PCDH7: variants seen among roughly 807,000 people sequenced by gnomAD.
PCDH7 encodes protocadherin-7.
Under a neutral mutation model 58.9 loss-of-function variants are expected in PCDH7, and 17 were observed. The observed-to-expected ratio is 0.29, with a 90% CI of 0.20 to 0.43. PCDH7 has a LOEUF of 0.43. Among genes scored for constraint, PCDH7 ranks in the 20% least tolerant of loss-of-function variants. The probability of loss-of-function intolerance (pLI) is 1.00; values close to 1 mark genes in which losing one functional copy is unlikely to be tolerated. For synonymous variants in PCDH7, 664 were observed against 616.4 expected (o/e 1.08, Z -1.14); for missense variants, 1,274 against 1,441.0 (o/e 0.88, Z 1.88).
At chr4:31,141,590 G>T (rs1467210368) in intron 3 of PCDH7, among the ~76,000 whole-genome samples, 1 of 152,124 alleles carries the variant, frequency 6.6e-6, no homozygotes. Flanking sequence ...ATTATTAACT[G>T]TCATCTTTAA....
At chr4:31,017,107 A>G (rs1753679809) in intron 3 of PCDH7, among the ~76,000 whole-genome samples, 1 of 152,164 alleles carries the variant, frequency 6.6e-6, no homozygotes, top group Admixed American at 6.5e-5. Context: ...CAGTGGTGTC[A>G]GAGAAGTACA....
intron 1 of PCDH7, chr4:30,730,662 C>T (rs1715352391): frequency 1.1e-6 from 1 of 912,750 alleles, no homozygotes; most frequent in Non-Finnish European, 1.7e-6. Flanking sequence ...GAAATCTCTA[C>T]TAAAGCTTTC....
At chr4:31,088,646 A>C (rs899232193) in intron 3 of PCDH7, among the ~76,000 whole-genome samples, 1 of 152,060 alleles carries the variant, frequency 6.6e-6, no homozygotes, top group Non-Finnish European at 1.5e-5. Flanking sequence ...AATGAAGAGA[A>C]CATCTTATAT....
At chr4:31,078,713 C>A (rs572304866) in intron 3 of PCDH7, among the ~76,000 whole-genome samples, 1 of 135,918 alleles carries the variant, frequency 7.4e-6, no homozygotes, top group Admixed American at 8.2e-5. Flanking sequence ...GTAAGTCAAT[C>A]CCAAAATTTG....
rs142322182 is a variant in PCDH7, at chr4:30,822,530, C to T, written c.71-97623C>T. Among the ~76,000 whole-genome samples the T allele has an allele frequency of 1.6e-3, 240 of 152,264 alleles. 2 individuals carry two copies. Among genetic ancestry groups the T allele is most frequent in the African/African-American group, 5.5e-3 (230 of 41,564 alleles). On this transcript the variant is annotated intron_variant, in intron 1 of 3. Transcript: ENST00000509759. ...TGGTGCTGTAAGCCTTAAATAGCTA[C>T]TTTACATTCCTGTGGGGATATTGTG...
At chr4:30,757,749 TCCCGCA>T (rs1719501271) in intron 1 of PCDH7, among the ~76,000 whole-genome samples, 1 of 152,154 alleles carries the variant, frequency 6.6e-6, no homozygotes, top group Non-Finnish European at 1.5e-5. Flanking sequence ...ATATGCCTAT[TCCCGCA>T]ATTATGTGAC....
intron 3 of PCDH7, among the ~76,000 whole-genome samples, chr4:30,977,405 G>A (rs1236995927): frequency 6.6e-6 from 1 of 152,042 alleles, no homozygotes; most frequent in Admixed American, 6.6e-5. Context: ...TAAATGAATT[G>A]GTACTAATTA....
intron 2 of PCDH7, among the ~76,000 whole-genome samples, chr4:30,928,010 C>G (rs888244417): frequency 1.3e-5 from 2 of 152,202 alleles, no homozygotes; most frequent in African/African-American, 4.8e-5. Flanking sequence ...AGGTCTTGCT[C>G]TGTAGCCCTG....
At chr4:31,002,821 C>G (rs2109139802) in intron 3 of PCDH7, among the ~76,000 whole-genome samples, 1 of 152,260 alleles carries the variant, frequency 6.6e-6, no homozygotes, top group South Asian at 2.1e-4. Flanking sequence ...CATGTGCATT[C>G]CTGTAATATC....
chr4:31,054,879 G>C (rs1322442689), intron 3 of PCDH7, among the ~76,000 whole-genome samples: 1 of 152,032 alleles, frequency 6.6e-6, no homozygotes, highest in Non-Finnish European at 1.5e-5. Context: ...TTTTATTTAA[G>C]AACATTTCTT....
At chr4:31,110,759 C>G (rs777457674) in intron 3 of PCDH7, among the ~76,000 whole-genome samples, 3 of 151,666 alleles carry the variant, frequency 2.0e-5, no homozygotes, top group Non-Finnish European at 4.4e-5. Context: ...ACTAAAAATA[C>G]AAAAAATTAG....
intron 2 of PCDH7, among the ~76,000 whole-genome samples, chr4:30,923,887 A>G (rs1387024823): frequency 1.3e-5 from 2 of 152,172 alleles, no homozygotes; most frequent in Admixed American, 6.5e-5. Flanking sequence ...ATTCATATAG[A>G]GTTTATGGGG....
chr4:30,812,802 CTTG>C (rs1727190099), intron 1 of PCDH7, among the ~76,000 whole-genome samples: 1 of 152,052 alleles, frequency 6.6e-6, no homozygotes, highest in Admixed American at 6.6e-5. Flanking sequence ...TTACATTTTT[CTTG>C]TTATTATAAA....
chr4:31,065,158 G>A (rs1330552529), intron 3 of PCDH7, among the ~76,000 whole-genome samples: 1 of 151,878 alleles, frequency 6.6e-6, no homozygotes, highest in Non-Finnish European at 1.5e-5. Context: ...TTTTCCTCTG[G>A]CAATGCAAGA....
intron 3 of PCDH7, among the ~76,000 whole-genome samples, chr4:31,000,991 G>A (rs1329582832): frequency 2.7e-5 from 4 of 146,262 alleles, no homozygotes; most frequent in South Asian, 4.2e-4. Flanking sequence ...TTAATTAAAC[G>A]GGGAAACTAG....
chr4:30,733,967 G>A (rs568617110), downstream of PCDH7, among the ~76,000 whole-genome samples: 2 of 151,792 alleles, frequency 1.3e-5, no homozygotes, highest in Non-Finnish European at 2.9e-5. Flanking sequence ...CCAATTATTC[G>A]ACTGGACTTA....
intron 2 of PCDH7, among the ~76,000 whole-genome samples, chr4:30,921,077 G>T (rs1743130225): frequency 6.6e-6 from 1 of 151,972 alleles, no homozygotes; most frequent in South Asian, 2.1e-4. Context: ...CATTTAGATT[G>T]CAAATAGCAC....
intron 3 of PCDH7, among the ~76,000 whole-genome samples, chr4:31,008,647 C>A (rs1200394259): frequency 6.6e-6 from 1 of 152,066 alleles, no homozygotes; most frequent in African/African-American, 2.4e-5. Context: ...CTTTGAAGAT[C>A]TAATGCAACC....
intron 3 of PCDH7, among the ~76,000 whole-genome samples, chr4:31,125,143 G>T (rs1406372734): frequency 6.6e-6 from 1 of 151,976 alleles, no homozygotes; most frequent in African/African-American, 2.4e-5. Context: ...CAGTAATTTT[G>T]TCTATTTTGA....
Sources: gnomAD v4.1 joint callset for allele counts (sites outside exome capture counted in the v4.1 genomes callset) on GRCh38, gnomAD v4.1.1 for gene constraint, MANE v1.5 for transcripts, NCBI Gene and HGNC (gene_info 2026-07-23, HGNC 2026-07-21) for gene names.